IRAK2: variants seen among roughly 807,000 people sequenced by gnomAD.
IRAK2 encodes interleukin-1 receptor-associated kinase-like 2.
Under a neutral mutation model 72.0 loss-of-function variants are expected in IRAK2, and 57 were observed. The ratio of observed to expected loss-of-function variants is 0.79; its 90% CI spans 0.64 to 0.99. IRAK2 has a LOEUF of 0.99. IRAK2 is among the 50% of genes least tolerant of loss of function. The probability of loss-of-function intolerance (pLI) is 0.00; values close to 1 mark genes in which losing one functional copy is unlikely to be tolerated. For synonymous variants in IRAK2, 293 were observed against 312.7 expected, an observed-to-expected ratio of 0.94 and a Z score of 0.67; for missense variants, 790 against 794.4, an observed-to-expected ratio of 0.99 and a Z score of 0.07.
chr3:10,236,002 C>T (rs1362912193), intron 11 of IRAK2, among the ~76,000 whole-genome samples: 1 of 152,184 alleles, frequency 6.6e-6, no homozygotes, highest in African/African-American at 2.4e-5. Context: ...TGTTCGGGAA[C>T]AAGGCAGACC....
chr3:10,221,609 T>C (rs1272994409), intron 8 of IRAK2, among the ~76,000 whole-genome samples: 1 of 151,268 alleles, frequency 6.6e-6, no homozygotes, highest in African/African-American at 2.4e-5. Flanking sequence ...TGGAGTACAG[T>C]GGCGCAATCT....
chr3:10,234,433 G>C, intron 10 of IRAK2, 26 bp from the exon 11 acceptor site: 1 of 1,603,252 alleles, frequency 6.2e-7, no homozygotes, highest in Non-Finnish European at 8.5e-7. Flanking sequence ...GCTCACGCAA[G>C]GGCGTTTCTA....
chr3:10,230,128 A>G (rs553670735), intron 10 of IRAK2, among the ~76,000 whole-genome samples: 6 of 152,274 alleles, frequency 3.9e-5, no homozygotes, highest in South Asian at 4.2e-4. Flanking sequence ...TGAAAAAGAC[A>G]TGTATGTTCT....
intron 2 of IRAK2, among the ~76,000 whole-genome samples, chr3:10,195,511 C>T (rs2125149865): frequency 6.6e-6 from 1 of 151,370 alleles, no homozygotes; most frequent in African/African-American, 2.4e-5. Flanking sequence ...GTGATCACAC[C>T]ACTGCATAGC....
chr3:10,242,069 G>T (rs941924199), intron 12 of IRAK2, 47 bp from the exon 13 acceptor site: 1 of 1,065,764 alleles, frequency 9.4e-7, no homozygotes, highest in African/African-American at 1.6e-5. Flanking sequence ...TATAATAATA[G>T]TAACTTTCAT....
chr3:10,241,187 ATTGC>A (rs1410303101), intron 12 of IRAK2, among the ~76,000 whole-genome samples: 1 of 150,932 alleles, frequency 6.6e-6, no homozygotes, highest in Admixed American at 6.6e-5. Context: ...AGGTGGGCTG[ATTGC>A]TTGAGCCCAG....
intron 7 of IRAK2, among the ~76,000 whole-genome samples, chr3:10,217,922 A>G (rs1035383309): frequency 1.1e-4 from 17 of 152,206 alleles, no homozygotes; most frequent in Non-Finnish European, 2.1e-4. Context: ...GCCACAACCA[A>G]AGCAATTTCT....
rs987720987 is a variant in IRAK2, at chr3:10,242,615, A to G, written c.*387A>G. On this transcript the variant is annotated 3_prime_UTR_variant, in exon 13 of 13. Coordinates refer to ENST00000256458, the MANE Select transcript of IRAK2 (RefSeq NM_001570.4). The stretch of plus-strand genomic sequence containing the variant: ...TTCCCCCGCCACTGGCAGTTCTGCA[A>G]TGCCATAGCATTTTCCAGAGCTAAG... 2.6e-5 allele frequency: 4 copies of G among 154,698 alleles called. No individual in the cohort carries two copies. The highest frequency in any genetic ancestry group is 7.2e-5 in the African/African-American group (3 of 41,522). The allele number at this position is 154,698 out of a possible 1,614,324, so 9.6% of individuals were successfully genotyped here.
chr3:10,171,931 A>G (rs951834139), intron 1 of IRAK2, among the ~76,000 whole-genome samples: 2 of 151,132 alleles, frequency 1.3e-5, no homozygotes, highest in Admixed American at 6.6e-5. Context: ...ACACTCTGCT[A>G]GTTTTTGCAT....
At chr3:10,217,433 A>G (rs1221433679) in intron 7 of IRAK2, among the ~76,000 whole-genome samples, 1 of 152,234 alleles carries the variant, frequency 6.6e-6, no homozygotes, top group Admixed American at 6.5e-5. Flanking sequence ...TTCGTTCGTC[A>G]TGGTTCTGGA....
At chr3:10,208,375 C>G (rs967296139) in intron 3 of IRAK2, among the ~76,000 whole-genome samples, 4 of 151,604 alleles carry the variant, frequency 2.6e-5, no homozygotes, top group Non-Finnish European at 5.9e-5. Flanking sequence ...GATCATGGCT[C>G]AATATAGCCT....
intron 2 of IRAK2, among the ~76,000 whole-genome samples, chr3:10,189,465 G>A (rs1216689615): frequency 6.6e-6 from 1 of 152,230 alleles, no homozygotes; most frequent in Non-Finnish European, 1.5e-5. Flanking sequence ...TGGACTGGGG[G>A]GCTGGGCCTG....
intron 8 of IRAK2, among the ~76,000 whole-genome samples, chr3:10,221,943 C>T (rs562446802): frequency 5.3e-5 from 8 of 151,130 alleles, no homozygotes; most frequent in Non-Finnish European, 8.9e-5. Context: ...AGACAGTGTA[C>T]CACTCTGTTG....
intron 1 of IRAK2, among the ~76,000 whole-genome samples, chr3:10,169,384 CCTTA>C (rs1440909934): frequency 6.6e-6 from 1 of 152,134 alleles, no homozygotes; most frequent in Non-Finnish European, 1.5e-5. Flanking sequence ...ATATTTCATC[CCTTA>C]TCTCAACTGC....
Position 10,172,562 on chromosome 3 carries a change from G to A in IRAK2, c.95-5276G>A, listed in dbSNP as rs1377165671. ...CAAAAAAAAAAAAAAAAAAAAGGCC[G>A]GGCGCGGTGGCTCATGCCTGTAATC... On this transcript the variant is annotated intron_variant, in intron 1 of 12. Coordinates refer to ENST00000256458, the MANE Select transcript of IRAK2 (RefSeq NM_001570.4). Among the ~76,000 whole-genome samples the A allele has an allele frequency of 3.8e-4, 49 of 128,460 alleles. No individual in the cohort carries two copies. In the South Asian group the frequency reaches 9.1e-3, roughly 24 times the overall value. 84.3% of individuals were successfully genotyped at this position (128,460 alleles called of 152,430 possible). A position where few individuals can be genotyped will look rare whatever the true frequency, so the allele number is the denominator to read the frequency against.
chr3:10,234,884 A>T (rs1411453700), intron 11 of IRAK2, among the ~76,000 whole-genome samples: 1 of 152,218 alleles, frequency 6.6e-6, no homozygotes, highest in African/African-American at 2.4e-5. Context: ...AAACCCGTGG[A>T]TGTTAACTGA....
At chr3:10,214,275 G>A (rs1440933146) in intron 6 of IRAK2, among the ~76,000 whole-genome samples, 1 of 151,888 alleles carries the variant, frequency 6.6e-6, no homozygotes, top group Admixed American at 6.6e-5. Context: ...TGCCCAGGCT[G>A]GAATGGCCTT....
chr3:10,242,453 G>C lies in IRAK2; in HGVS notation c.*225G>C, dbSNP rs1021223952. On this transcript the variant is annotated 3_prime_UTR_variant, in exon 13 of 13. Coordinates refer to ENST00000256458, the MANE Select transcript of IRAK2 (RefSeq NM_001570.4). ...TGAAGTCTCTTCCTTTCTGGGCTTT[G>C]TTAGTCAGAGCAGGGGATCAGAGGA... 2.0e-5 allele frequency: 7 copies of C among 341,782 alleles called. No individual in the cohort carries two copies. The highest frequency in any genetic ancestry group is 1.5e-4 in the African/African-American group (7 of 47,384). The allele number at this position is 341,782 out of a possible 1,614,324, so 21.2% of individuals were successfully genotyped here. A position where few individuals can be genotyped will look rare whatever the true frequency, so the allele number is the denominator to read the frequency against.
At chr3:10,167,210 T>C (rs1696707747) in intron 1 of IRAK2, among the ~76,000 whole-genome samples, 1 of 152,154 alleles carries the variant, frequency 6.6e-6, no homozygotes, top group African/African-American at 2.4e-5. Context: ...ATCTTCACAA[T>C]CAATCTTAGA....
Sources: allele counts gnomAD v4.1 joint callset (sites outside exome capture counted in the v4.1 genomes callset), GRCh38; gene constraint gnomAD v4.1.1; transcripts MANE v1.5; gene names NCBI Gene and HGNC (gene_info 2026-07-23, HGNC 2026-07-21).